Variants in GAS2 observed in about 807,000 individuals in gnomAD.
The protein encoded by GAS2 is growth arrest specific 2, also known as growth arrest-specific protein 2.
GAS2 carries 20 observed loss-of-function variants against 37.5 expected under a neutral mutation model. The ratio of observed to expected loss-of-function variants is 0.53; its 90% CI spans 0.37 to 0.77. The LOEUF (loss-of-function observed/expected upper bound fraction) is 0.77. Among genes scored for constraint, GAS2 ranks in the 30% least tolerant of loss-of-function variants. GAS2 has a pLI of 0.00. For missense variants in GAS2, 336 were observed against 373.4 expected (o/e 0.90, Z 0.82); for synonymous variants, 144 against 132.2 (o/e 1.09, Z -0.61).
intron 4 of GAS2, 142 bp downstream of exon 4, chr11:22,726,575 C>A: frequency 2.9e-6 from 2 of 695,570 alleles, no homozygotes; most frequent in Non-Finnish European, 4.9e-6. Flanking sequence ...TGAAATCTTG[C>A]AGGTTTGCTG....
intron 1 of GAS2, among the ~76,000 whole-genome samples, chr11:22,641,246 ATATATATATCTTTATATATATATCTT>A (rs1433155618): frequency 6.9e-6 from 1 of 144,866 alleles, no homozygotes; most frequent in African/African-American, 2.5e-5. Context: ...ATATGTGTAT[ATATATATATCTTTATATATATATCTT>A]TATATATATC....
intron 7 of GAS2, among the ~76,000 whole-genome samples, chr11:22,766,608 A>G (rs902995706): frequency 2.0e-5 from 3 of 152,216 alleles, no homozygotes; most frequent in African/African-American, 7.2e-5. Context: ...CTAGAGTCAA[A>G]AAACAAAAAA....
In GAS2 at chr11:22,703,817, C is replaced by T. The variant is rs139940835; in HGVS notation, c.267+18028C>T. Among the ~76,000 whole-genome samples the T allele has an allele frequency of 3.1e-3, 471 of 152,218 alleles. 1 individual carries two copies. The highest frequency in any genetic ancestry group is 0.01 in the African/African-American group (426 of 41,530). On this transcript the variant is annotated intron_variant, in intron 3 of 7. Coordinates refer to ENST00000454584, the MANE Select transcript of GAS2 (RefSeq NM_001143830.3). ...GACTTAGCAGTTTGAAAACACATTACATATCATGCATGAAGCCTGAAGCCT... is the reference window on the plus strand; with the variant it reads ...GACTTAGCAGTTTGAAAACACATTATATATCATGCATGAAGCCTGAAGCCT...
At chr11:22,738,956 C>A (rs1412354573) in intron 5 of GAS2, among the ~76,000 whole-genome samples, 1 of 152,050 alleles carries the variant, frequency 6.6e-6, no homozygotes, top group South Asian at 2.1e-4. Flanking sequence ...CAATTTGAGA[C>A]ATGTGAAGGT....
chr11:22,710,202 A>G (rs2928341), intron 3 of GAS2, among the ~76,000 whole-genome samples: 131,822 of 151,996 alleles, frequency 0.87, 60,089 homozygotes, highest in East Asian at 1. Flanking sequence ...ACAAACAAAC[A>G]AAAACAACTT....
intron 3 of GAS2, among the ~76,000 whole-genome samples, chr11:22,698,887 G>T (rs1482568292): frequency 6.6e-6 from 1 of 152,114 alleles, no homozygotes; most frequent in Non-Finnish European, 1.5e-5. Flanking sequence ...TGTGCTTTGT[G>T]ATGGTTCTAG....
At chr11:22,772,729 T>A (rs921418889) in intron 7 of GAS2, among the ~76,000 whole-genome samples, 1 of 152,146 alleles carries the variant, frequency 6.6e-6, no homozygotes, top group African/African-American at 2.4e-5. Context: ...TTCCCAGAGA[T>A]GAGTAGAAGG....
intron 2 of GAS2, among the ~76,000 whole-genome samples, chr11:22,681,430 A>G (rs576355827): frequency 2.0e-5 from 3 of 152,338 alleles, no homozygotes; most frequent in South Asian, 4.1e-4. Flanking sequence ...TCATGCGAAG[A>G]TCAAATATCG....
intron 3 of GAS2, among the ~76,000 whole-genome samples, chr11:22,690,358 ATTCT>A (rs1268869056): frequency 1.3e-4 from 20 of 152,132 alleles, no homozygotes; most frequent in African/African-American, 4.3e-4. Flanking sequence ...CTGTCCTATG[ATTCT>A]TTCTTCCCAG....
At chr11:22,741,651 T>C (rs1853087647) in intron 5 of GAS2, among the ~76,000 whole-genome samples, 4 of 152,100 alleles carry the variant, frequency 2.6e-5, no homozygotes, top group Admixed American at 2.6e-4. Flanking sequence ...AAAGGAAATG[T>C]TACTTAAAAG....
At chr11:22,649,565 T>G (rs1848746032) in intron 1 of GAS2, among the ~76,000 whole-genome samples, 1 of 152,226 alleles carries the variant, frequency 6.6e-6, no homozygotes, top group Admixed American at 6.5e-5. Flanking sequence ...TTTTGGTTGG[T>G]AAGCTATTGA....
intron 7 of GAS2, among the ~76,000 whole-genome samples, chr11:22,790,118 T>C (rs1856070940): frequency 6.6e-6 from 1 of 151,970 alleles, no homozygotes; most frequent in Non-Finnish European, 1.5e-5. Flanking sequence ...ATGATCTCCA[T>C]CTGTGAATCA....
chr11:22,691,124 G>A (rs113171697), intron 3 of GAS2, among the ~76,000 whole-genome samples: 3,075 of 152,030 alleles, frequency 0.02, 92 homozygotes, highest in African/African-American at 0.068. Context: ...AGGGGGCGGG[G>A]GGAAAAGAAG....
At chr11:22,714,773 C>T (rs1468249814) in intron 3 of GAS2, among the ~76,000 whole-genome samples, 2 of 152,038 alleles carry the variant, frequency 1.3e-5, no homozygotes, top group Non-Finnish European at 2.9e-5. Flanking sequence ...ATACTTGGGT[C>T]CACAATGAAA....
intron 3 of GAS2, among the ~76,000 whole-genome samples, chr11:22,691,020 CT>C (rs1850222986): frequency 6.6e-6 from 1 of 152,130 alleles, no homozygotes; most frequent in South Asian, 2.1e-4. Flanking sequence ...TATTTTGAGT[CT>C]CTTCTTCAGA....
At chr11:22,636,790 C>T (rs1858827678) in intron 1 of GAS2, among the ~76,000 whole-genome samples, 1 of 150,872 alleles carries the variant, frequency 6.6e-6, no homozygotes, top group South Asian at 2.1e-4. Flanking sequence ...ATCAAACATA[C>T]TACTTTCTCT....
intron 1 of GAS2, among the ~76,000 whole-genome samples, chr11:22,628,551 GA>G (rs1281103896): frequency 2.0e-5 from 3 of 152,016 alleles, no homozygotes; most frequent in Admixed American, 6.6e-5. Flanking sequence ...TATTTATTTT[GA>G]TTTTTTTCTG....
intron 1 of GAS2, among the ~76,000 whole-genome samples, chr11:22,627,078 C>T (rs1224789342): frequency 6.6e-6 from 1 of 152,190 alleles, no homozygotes; most frequent in Non-Finnish European, 1.5e-5. Context: ...GAGGCGTGTG[C>T]CACCGCGCCC....
At chr11:22,715,460 C>A (rs1204762567) in intron 3 of GAS2, among the ~76,000 whole-genome samples, 237 of 41,730 alleles carry the variant, frequency 5.7e-3, no homozygotes, top group African/African-American at 0.016. Context: ...GACTCTGTCT[C>A]AAAAAAAAAA....
Sources: gnomAD v4.1 joint callset for allele counts (sites outside exome capture counted in the v4.1 genomes callset) on GRCh38, gnomAD v4.1.1 for gene constraint, MANE v1.5 for transcripts, NCBI Gene and HGNC (gene_info 2026-07-23, HGNC 2026-07-21) for gene names.